AGK: variants seen among roughly 807,000 people sequenced by gnomAD.
AGK encodes acylglycerol kinase, also known as acylglycerol kinase, mitochondrial.
A neutral mutation model predicts 66.4 loss-of-function variants in AGK; 52 were observed. That is an observed-to-expected ratio of 0.78 (90% CI 0.63 to 0.99). The LOEUF (loss-of-function observed/expected upper bound fraction) is 0.99. Ranked by LOEUF, AGK falls within the 50% of genes least tolerant of loss-of-function variation. The pLI, the probability that AGK is intolerant of heterozygous loss-of-function variation, is 0.00. For missense variants in AGK, 451 were observed against 506.6 expected (o/e 0.89, Z 1.05); for synonymous variants, 182 against 181.1 (o/e 1.00, Z -0.04).
In AGK at chr7:141,651,602, TC is replaced by T; in HGVS notation, c.1127del (p.Pro376ArgfsTer22). 6.2e-7 allele frequency: 1 copy of T among 1,614,230 alleles called. No individual in the cohort carries two copies. The highest frequency in any genetic ancestry group is 8.5e-7 in the Non-Finnish European group (1 of 1,180,032). On this transcript the variant is annotated frameshift_variant, in exon 15 of 16. Transcript: ENST00000649286. LOFTEE classifies it high-confidence loss of function. ...CAAGCCAGCCAGTGCACTTTGCTTA[TC>T]CCGGAGGTGAGTGGGGAAGGGGTCG... is the stretch of plus-strand genomic sequence containing the variant. ...CLQASQCTLL[I>X]PEGAGGSFSI... is the part of the protein sequence containing the mutation.
chr7:141,613,857 A>G (rs1183845215), intron 6 of AGK, among the ~76,000 whole-genome samples: 4 of 152,184 alleles, frequency 2.6e-5, no homozygotes, highest in Non-Finnish European at 5.9e-5. Flanking sequence ...TCATATTTAT[A>G]CCCATTTTAT....
At chr7:141,614,244 C>G (rs2116960981) in intron 7 of AGK, 66 bp downstream of exon 7, 1 of 1,230,764 alleles carries the variant, frequency 8.1e-7, no homozygotes, top group Non-Finnish European at 1.1e-6. Flanking sequence ...GCTTTTCTTT[C>G]TTTTACTTTT....
At chr7:141,621,046 A>G (rs1796812461) in intron 8 of AGK, among the ~76,000 whole-genome samples, 1 of 152,232 alleles carries the variant, frequency 6.6e-6, no homozygotes, top group Non-Finnish European at 1.5e-5. Context: ...CATTTGTTCA[A>G]AGTCCAGAGA....
chr7:141,637,114 T>G, intron 11 of AGK, 97 bp downstream of exon 11: 3 of 940,084 alleles, frequency 3.2e-6, no homozygotes, highest in Non-Finnish European at 4.9e-6. Context: ...TTGCTACAGA[T>G]GAATGTGGCA....
chr7:141,642,387 TA>T (rs1797310841), intron 13 of AGK, among the ~76,000 whole-genome samples: 2 of 152,198 alleles, frequency 1.3e-5, no homozygotes, highest in African/African-American at 2.4e-5. Context: ...TCCCATACGG[TA>T]GCTATTAGCC....
chr7:141,593,654 CATGAGATTTTACTTAAATATTCAT>C (rs1796169590), intron 3 of AGK: 2 of 373,966 alleles, frequency 5.3e-6, no homozygotes, highest in Non-Finnish European at 9.5e-6. Context: ...TGTTATATTC[CATGAGATTTTACTTAAATATTCAT>C]TTATATGGCT....
intron 5 of AGK, among the ~76,000 whole-genome samples, chr7:141,603,024 G>T (rs542795289): frequency 6.6e-6 from 1 of 152,132 alleles, no homozygotes; most frequent in South Asian, 2.1e-4. Context: ...GTATTTTAAA[G>T]TTTGTTGAAA....
intron 2 of AGK, among the ~76,000 whole-genome samples, chr7:141,578,273 G>A (rs1795797016): frequency 6.6e-6 from 1 of 151,810 alleles, no homozygotes; most frequent in Non-Finnish European, 1.5e-5. Flanking sequence ...TGGCAGGGGT[G>A]GGGGTCACAA....
chr7:141,593,008 A>G (rs1231850429), intron 2 of AGK, 138 bp from the exon 3 acceptor site: 1 of 701,002 alleles, frequency 1.4e-6, no homozygotes, highest in East Asian at 2.7e-5. Context: ...CCGGCCTGTT[A>G]TCAGGTTTTT....
rs563575822 is a variant in AGK at position 141,573,697 on chromosome 7, A to G, written c.101+18130A>G. On this transcript the variant is annotated intron_variant, in intron 2 of 15. Coordinates refer to ENST00000649286, the MANE Select transcript of AGK (RefSeq NM_018238.4). ...TATTCTGGAACCCAAAGTAAATATC[A>G]TTTCACGCACGCTATTTATAGAGAA... 9.2e-5 allele frequency among the ~76,000 whole-genome samples: 14 copies of G among 152,310 alleles called. No individual in the cohort carries two copies. The East Asian group carries it at 2.7e-3, about 29-fold the overall frequency.
intron 8 of AGK, 37 bp downstream of exon 8, chr7:141,615,602 G>A (rs1274738352): frequency 1.0e-5 from 16 of 1,525,016 alleles, no homozygotes; most frequent in South Asian, 2.2e-5. Flanking sequence ...ATTTGTGGGT[G>A]AGCGAGACTG....
At chr7:141,614,870 AT>A (rs1796673484) in intron 7 of AGK, among the ~76,000 whole-genome samples, 2 of 152,208 alleles carry the variant, frequency 1.3e-5, no homozygotes, top group African/African-American at 4.8e-5. Flanking sequence ...ACATTATTTT[AT>A]GCACTTTTCT....
At position 141,653,176 on chromosome 7, in the gene AGK, G is replaced by T; in HGVS notation, c.*252G>T. ...CCTCCTAAACACGGACTTTCCTCAG[G>T]CTGGTTCAAGACGGAAAAGGACTTT... On this transcript the variant is annotated 3_prime_UTR_variant, in exon 16 of 16. Transcript: ENST00000649286. 1 of 445,336 alleles carries T rather than the reference G, an allele frequency of 2.2e-6. No homozygotes were observed. The highest frequency in any genetic ancestry group is 3.0e-5 in the South Asian group (1 of 33,784). The allele number at this position is 445,336 out of a possible 1,614,324, so 27.6% of individuals were successfully genotyped here. A position where few individuals can be genotyped will look rare whatever the true frequency, so the allele number is the denominator to read the frequency against.
intron 9 of AGK, among the ~76,000 whole-genome samples, chr7:141,632,273 C>T (rs762740395): frequency 4.6e-5 from 7 of 151,764 alleles, no homozygotes; most frequent in Non-Finnish European, 7.4e-5. Context: ...TTTAAAAATC[C>T]TCCTTACCCT....
chr7:141,652,651 A>C, intron 15 of AGK, 136 bp from the exon 16 acceptor site: 3 of 906,436 alleles, frequency 3.3e-6, no homozygotes, highest in Non-Finnish European at 4.9e-6. Flanking sequence ...TTTTTTTTGT[A>C]AAAGAACATT....
At chr7:141,633,244 A>G (rs779889948) in intron 9 of AGK, among the ~76,000 whole-genome samples, 8 of 152,138 alleles carry the variant, frequency 5.3e-5, no homozygotes, top group Non-Finnish European at 1.0e-4. Context: ...TGGTACCTAG[A>G]TTATTTATAA....
Position 141,600,017 on chromosome 7 carries a change from G to A in AGK, c.222-1188G>A, listed in dbSNP as rs1042274008. Among the ~76,000 whole-genome samples the A allele has an allele frequency of 3.3e-5, 5 of 152,282 alleles. No individual in the cohort carries two copies. The East Asian group carries it at 9.6e-4, about 29-fold the overall frequency. On this transcript the variant is annotated intron_variant, in intron 4 of 15. Coordinates refer to ENST00000649286, the MANE Select transcript of AGK (RefSeq NM_018238.4). ...GTTTAAAGAATATTGAGCTTGGCCT[G>A]TGCATAACTATACGTGTTCCTCATT...
At chr7:141,580,222 C>T (rs1312841199) in intron 2 of AGK, among the ~76,000 whole-genome samples, 1 of 151,798 alleles carries the variant, frequency 6.6e-6, no homozygotes, top group Non-Finnish European at 1.5e-5. Flanking sequence ...AGAGTGAGGG[C>T]CCGAGTTAAG....
intron 9 of AGK, among the ~76,000 whole-genome samples, chr7:141,629,393 CTTTTTG>C (rs2116989463): frequency 6.6e-6 from 1 of 152,144 alleles, no homozygotes; most frequent in South Asian, 2.1e-4. Flanking sequence ...CTTTCTTTTT[CTTTTTG>C]TTTTTGTTTA....
Sources: gnomAD v4.1 joint callset for allele counts (sites outside exome capture counted in the v4.1 genomes callset) on GRCh38, gnomAD v4.1.1 for gene constraint, MANE v1.5 for transcripts, NCBI Gene and HGNC (gene_info 2026-07-23, HGNC 2026-07-21) for gene names.